Variants in PRTFDC1 observed in about 807,000 individuals in gnomAD.
PRTFDC1 encodes phosphoribosyl transferase domain containing 1, also known as phosphoribosyltransferase domain-containing protein 1.
PRTFDC1 carries 38 observed loss-of-function variants against 34.6 expected under a neutral mutation model. The ratio of observed to expected loss-of-function variants is 1.10; its 90% CI spans 0.85 to 1.44. The LOEUF is 1.44. Ranked by LOEUF, PRTFDC1 falls within the 40% of genes most tolerant of loss-of-function variation. The pLI is 0.00. For synonymous variants in PRTFDC1, 93 were observed against 98.1 expected (o/e 0.95, Z 0.31); for missense variants, 270 against 283.0 (o/e 0.95, Z 0.33).
chr10:24,913,246 T>G (rs541575363), intron 3 of PRTFDC1, among the ~76,000 whole-genome samples: 13 of 152,308 alleles, frequency 8.5e-5, no homozygotes, highest in African/African-American at 3.1e-4. Context: ...AGCTTCCCCA[T>G]GTTGGTTCAC....
At chr10:24,902,867 A>T (rs1848470305) in intron 3 of PRTFDC1, among the ~76,000 whole-genome samples, 1 of 152,200 alleles carries the variant, frequency 6.6e-6, no homozygotes, top group Non-Finnish European at 1.5e-5. Context: ...ACTGAGTTAG[A>T]TTATTTGGCT....
intron 2 of PRTFDC1, among the ~76,000 whole-genome samples, chr10:24,941,397 C>A (rs1235992991): frequency 6.7e-6 from 1 of 150,074 alleles, no homozygotes; most frequent in South Asian, 2.1e-4. Flanking sequence ...GAGACAAGAT[C>A]TCAGTATTTG....
intron 4 of PRTFDC1, among the ~76,000 whole-genome samples, chr10:24,865,196 T>C (rs1205701021): frequency 6.6e-6 from 1 of 152,158 alleles, no homozygotes; most frequent in Non-Finnish European, 1.5e-5. Context: ...AATACCTGTG[T>C]AGTGAATCAA....
intron 3 of PRTFDC1, among the ~76,000 whole-genome samples, chr10:24,909,346 G>A (rs1234410719): frequency 6.6e-6 from 1 of 152,182 alleles, no homozygotes; most frequent in East Asian, 1.9e-4. Context: ...TAATACATAT[G>A]TGGCTATAAG....
intron 3 of PRTFDC1, among the ~76,000 whole-genome samples, chr10:24,905,436 C>T (rs1848519257): frequency 1.3e-5 from 2 of 151,106 alleles, no homozygotes; most frequent in Non-Finnish European, 2.9e-5. Flanking sequence ...ATTCTTCTGC[C>T]TCAGTCTCCC....
In PRTFDC1 at chr10:24,925,829, C is replaced by T. The variant is rs139716122; in HGVS notation, c.339+11355G>A. ...CTCATCAAATCGCTAGGAAGAAATCCGACCTTAGGTGGGGTTGGAACTCTG... is the reference window on the plus strand; with the variant it reads ...CTCATCAAATCGCTAGGAAGAAATCTGACCTTAGGTGGGGTTGGAACTCTG... On this transcript the variant is annotated intron_variant, in intron 3 of 8. Transcript: ENST00000320152. 3.3e-4 allele frequency among the ~76,000 whole-genome samples: 51 copies of T among 152,296 alleles called. No individual in the cohort carries two copies. The East Asian group carries it at 6.8e-3, about 20-fold the overall frequency.
At chr10:24,918,615 A>T (rs905584990) in intron 3 of PRTFDC1, among the ~76,000 whole-genome samples, 1 of 151,882 alleles carries the variant, frequency 6.6e-6, no homozygotes, top group East Asian at 1.9e-4. Context: ...AGGTCTCACT[A>T]TGTTGCCCAG....
At chr10:24,923,775 T>C (rs1848828570) in intron 3 of PRTFDC1, among the ~76,000 whole-genome samples, 1 of 152,008 alleles carries the variant, frequency 6.6e-6, no homozygotes, top group African/African-American at 2.4e-5. Context: ...TCACCAGCAA[T>C]GGAACAAAAC....
intron 3 of PRTFDC1, among the ~76,000 whole-genome samples, chr10:24,900,380 C>T (rs962148890): frequency 4.6e-5 from 7 of 152,218 alleles, no homozygotes; most frequent in African/African-American, 1.7e-4. Flanking sequence ...ACTAACAAGC[C>T]AGGAACTCGG....
intron 3 of PRTFDC1, among the ~76,000 whole-genome samples, chr10:24,878,054 G>A (rs1000280763): frequency 6.6e-6 from 1 of 152,076 alleles, no homozygotes. Context: ...GCCGAGGCAG[G>A]TGGATTACTT....
At chr10:24,911,544 G>C (rs1318359122) in intron 3 of PRTFDC1, among the ~76,000 whole-genome samples, 3 of 152,166 alleles carry the variant, frequency 2.0e-5, no homozygotes, top group African/African-American at 7.2e-5. Context: ...AAGTTGCTAT[G>C]AATATTTGCA....
chr10:24,900,830 A>C (rs1272021082), intron 3 of PRTFDC1, among the ~76,000 whole-genome samples: 1 of 152,242 alleles, frequency 6.6e-6, no homozygotes. Flanking sequence ...CTTGGGCCGA[A>C]CATTTTATAT....
intron 1 of PRTFDC1, among the ~76,000 whole-genome samples, chr10:24,945,205 G>A (rs1158712099): frequency 3.9e-5 from 6 of 152,154 alleles, no homozygotes; most frequent in South Asian, 2.1e-4. Context: ...TCCTTCTGGC[G>A]GAGACTTTTT....
intron 3 of PRTFDC1, among the ~76,000 whole-genome samples, chr10:24,911,289 A>C (rs2132568669): frequency 6.6e-6 from 1 of 152,252 alleles, no homozygotes; most frequent in South Asian, 2.1e-4. Flanking sequence ...TCTGTTATGA[A>C]AGTTTTTGAA....
rs1200742472 is a variant in PRTFDC1, at chr10:24,872,788, G to GTGTATATA, written c.340-726_340-725insTATATACA. On this transcript the variant is annotated intron_variant, in intron 3 of 8. Coordinates refer to ENST00000320152, the MANE Select transcript of PRTFDC1 (RefSeq NM_020200.7). ...TGTGTATATATATATGTGTGTGTGT[G>GTGTATATA]TATATATATATATATATATTTTTTT... Among the ~76,000 whole-genome samples, 137 of 83,168 alleles carry GTGTATATA rather than the reference G, an allele frequency of 1.6e-3. No individual in the cohort carries two copies. The East Asian group carries it at 0.032, about 19-fold the overall frequency. The allele number at this position is 83,168 out of a possible 152,430, so 54.6% of individuals were successfully genotyped here.
chr10:24,857,481 C>T (rs1454002199), intron 5 of PRTFDC1, among the ~76,000 whole-genome samples: 1 of 152,180 alleles, frequency 6.6e-6, no homozygotes, highest in Non-Finnish European at 1.5e-5. Flanking sequence ...CTGGTGACAG[C>T]CTGTGAATTC....
chr10:24,947,001 G>A (rs558692435), intron 1 of PRTFDC1, among the ~76,000 whole-genome samples: 13 of 152,270 alleles, frequency 8.5e-5, no homozygotes, highest in African/African-American at 3.1e-4. Context: ...TTGTTCTGGT[G>A]TGATGGCGTG....
chr10:24,862,007 G>A (rs1489117129), intron 4 of PRTFDC1, among the ~76,000 whole-genome samples: 1 of 151,844 alleles, frequency 6.6e-6, no homozygotes, highest in African/African-American at 2.4e-5. Context: ...GTCAAAGAAA[G>A]TTTGTACTTT....
At chr10:24,908,255 C>T in intron 3 of PRTFDC1, 1 of 469,062 alleles carries the variant, frequency 2.1e-6, no homozygotes, top group Non-Finnish European at 3.8e-6. Context: ...TTGAACATGT[C>T]ATGCCCTCTG....
Sources: allele counts gnomAD v4.1 joint callset (sites outside exome capture counted in the v4.1 genomes callset), GRCh38; gene constraint gnomAD v4.1.1; transcripts MANE v1.5; gene names NCBI Gene and HGNC (gene_info 2026-07-23, HGNC 2026-07-21).